KDM4C: variants seen among roughly 807,000 people sequenced by gnomAD.
KDM4C encodes lysine-specific demethylase 4C.
Under a neutral mutation model 129.3 loss-of-function variants are expected in KDM4C, and 81 were observed. The observed-to-expected ratio is 0.63, with a 90% confidence interval of 0.52 to 0.75. The LOEUF (loss-of-function observed/expected upper bound fraction) is 0.75, where lower values mean the gene tolerates loss of function less well. Among genes scored for constraint, KDM4C ranks in the 30% least tolerant of loss-of-function variants. KDM4C has a pLI of 0.00. For missense variants in KDM4C, 1,457 were observed against 1,304.0 expected (o/e 1.12, Z -1.81); for synonymous variants, 573 against 456.1 (o/e 1.26, Z -3.26).
At chr9:6,789,437 C>T (rs545915582) in intron 1 of KDM4C, among the ~76,000 whole-genome samples, 21 of 152,158 alleles carry the variant, frequency 1.4e-4, no homozygotes, top group Non-Finnish European at 2.2e-4. Flanking sequence ...GTCAGGCTGT[C>T]TCGAACTCCT....
chr9:6,952,431 A>ATATAT (rs71506090), intron 8 of KDM4C, among the ~76,000 whole-genome samples: 31 of 138,382 alleles, frequency 2.2e-4, no homozygotes, highest in East Asian at 6.6e-4. Context: ...ATATATATAT[A>ATATAT]ATAATAATTA....
intron 12 of KDM4C, among the ~76,000 whole-genome samples, chr9:7,005,451 A>AG (rs1821487895): frequency 6.6e-6 from 1 of 151,486 alleles, no homozygotes; most frequent in Admixed American, 6.6e-5. Context: ...AAAAAAAAAA[A>AG]AGACCACATG....
intron 8 of KDM4C, among the ~76,000 whole-genome samples, chr9:6,930,109 C>A (rs551128222): frequency 6.6e-6 from 1 of 152,258 alleles, no homozygotes; most frequent in African/African-American, 2.4e-5. Flanking sequence ...TGGTGCTATG[C>A]TAAGTGTCTC....
chr9:6,740,299 G>A (rs1244846582), intron 1 of KDM4C, among the ~76,000 whole-genome samples: 1 of 151,810 alleles, frequency 6.6e-6, no homozygotes, highest in Non-Finnish European at 1.5e-5. Flanking sequence ...CGCCTCCCGG[G>A]TTCACGCCAT....
At chr9:6,773,335 C>T (rs1025173367) in intron 1 of KDM4C, among the ~76,000 whole-genome samples, 2 of 152,214 alleles carry the variant, frequency 1.3e-5, no homozygotes, top group South Asian at 2.1e-4. Context: ...TTTTAAAAAA[C>T]GAAAGCAGAT....
At chr9:7,165,482 G>A in intron 20 of KDM4C, 125 bp downstream of exon 20, 3 of 1,110,156 alleles carry the variant, frequency 2.7e-6, no homozygotes, top group South Asian at 3.1e-5. Context: ...TTTTATGCAG[G>A]AGGCAAAGAT....
At chr9:6,829,516 T>C (rs1362563148) in intron 4 of KDM4C, among the ~76,000 whole-genome samples, 1 of 152,236 alleles carries the variant, frequency 6.6e-6, no homozygotes, top group African/African-American at 2.4e-5. Context: ...GAAAAAACTT[T>C]GGAGATCATC....
At chr9:7,076,867 A>T in intron 17 of KDM4C, 1 of 998,416 alleles carries the variant, frequency 1.0e-6, no homozygotes, top group South Asian at 4.5e-5. Context: ...GCATCAGGTT[A>T]ATGATTTGGA....
intron 17 of KDM4C, among the ~76,000 whole-genome samples, chr9:7,065,562 C>T (rs764288362): frequency 1.3e-5 from 2 of 152,128 alleles, no homozygotes; most frequent in African/African-American, 2.4e-5. Context: ...TCATGACATT[C>T]TGGCAAAGGT....
In KDM4C at chr9:7,016,721, C is replaced by T. The variant is rs10975976; in HGVS notation, c.2259+792C>T. 2.5e-3 allele frequency among the ~76,000 whole-genome samples: 376 copies of T among 152,066 alleles called. 8 individuals carry two copies. In the East Asian group the frequency reaches 0.026, roughly 11 times the overall value. ...GATTACAGCCGTGAGCCACTGTGCC[C>T]GACTATTAGGTAAATTTCTGGTGGC... is the stretch of plus-strand genomic sequence containing the variant. On this transcript the variant is annotated intron_variant, in intron 15 of 21. Transcript: ENST00000381309.
intron 7 of KDM4C, among the ~76,000 whole-genome samples, chr9:6,889,713 A>G (rs867117199): frequency 1.3e-5 from 2 of 152,256 alleles, no homozygotes; most frequent in Admixed American, 6.5e-5. Flanking sequence ...AAGGAATGCA[A>G]CAGTATCCCC....
intron 6 of KDM4C, among the ~76,000 whole-genome samples, chr9:6,887,336 G>T (rs1019680110): frequency 6.6e-6 from 1 of 152,208 alleles, no homozygotes; most frequent in Non-Finnish European, 1.5e-5. Context: ...AAGGGTTGTT[G>T]TATGTTTAAC....
chr9:6,994,363 T>C (rs1176574188), intron 12 of KDM4C, among the ~76,000 whole-genome samples: 2 of 152,156 alleles, frequency 1.3e-5, no homozygotes. Context: ...TTACATTATG[T>C]GTGGCACTCT....
At position 6,720,872 on chromosome 9, in the gene KDM4C, A is replaced by T; in HGVS notation, c.-77A>T. The T allele has an allele frequency of 3.1e-6, 4 of 1,302,724 alleles. No individual in the cohort carries two copies. The South Asian group carries it at 5.1e-5, about 16-fold the overall frequency. 80.7% of individuals were successfully genotyped at this position (1,302,724 alleles called of 1,614,324 possible). On this transcript the variant is annotated 5_prime_UTR_variant, in exon 1 of 18. Transcript: ENST00000536108. ...TCCCCTCACTCCACAGATGGCTGACATGATGGTCTGTGACCTGAAAGTTGT... is the reference window on the plus strand; with the variant it reads ...TCCCCTCACTCCACAGATGGCTGACTTGATGGTCTGTGACCTGAAAGTTGT...
chr9:7,064,557 A>G (rs142653252), intron 17 of KDM4C, among the ~76,000 whole-genome samples: 335 of 152,306 alleles, frequency 2.2e-3, no homozygotes, highest in African/African-American at 7.7e-3. Context: ...GCACGACAGA[A>G]TAAAGCCAAG....
chr9:7,127,146 A>C (rs1840108320), intron 18 of KDM4C, among the ~76,000 whole-genome samples: 1 of 152,144 alleles, frequency 6.6e-6, no homozygotes, highest in Admixed American at 6.5e-5. Flanking sequence ...TGGGTGATAG[A>C]GCAGGAAAAA....
At chr9:7,115,368 CTTG>C (rs1400826951) in intron 18 of KDM4C, among the ~76,000 whole-genome samples, 4 of 152,020 alleles carry the variant, frequency 2.6e-5, no homozygotes, top group Non-Finnish European at 4.4e-5. Flanking sequence ...CGTCTGATAG[CTTG>C]TTAAGAAAAT....
At chr9:7,014,181 C>T (rs1006080788) in intron 14 of KDM4C, 180 bp downstream of exon 14, 8 of 568,860 alleles carry the variant, frequency 1.4e-5, no homozygotes, top group Admixed American at 6.4e-5. Flanking sequence ...ATCCTTTTTT[C>T]ACCACTTTCA....
intron 2 of KDM4C, among the ~76,000 whole-genome samples, chr9:6,795,060 A>T (rs187047131): frequency 1.2e-3 from 177 of 152,292 alleles, no homozygotes; most frequent in Non-Finnish European, 2.1e-3. Flanking sequence ...TGTCAATATC[A>T]CTGCATAAAT....
Sources: gnomAD v4.1 joint callset for allele counts (sites outside exome capture counted in the v4.1 genomes callset) on GRCh38, gnomAD v4.1.1 for gene constraint, MANE v1.5 for transcripts, NCBI Gene and HGNC (gene_info 2026-07-23, HGNC 2026-07-21) for gene names.